The following LDLRAD4 variants were observed in gnomAD, a reference collection of about 807,000 sequenced individuals.
LDLRAD4 encodes the protein low density lipoprotein receptor class A domain containing 4, also known as low-density lipoprotein receptor class A domain-containing protein 4.
A neutral mutation model predicts 17.0 loss-of-function variants in LDLRAD4; 5 were observed. The observed-to-expected ratio is 0.29, with a 90% CI of 0.15 to 0.62. LDLRAD4 has a LOEUF of 0.62. LDLRAD4 is among the 20% of genes least tolerant of loss of function. The pLI is 0.84. For missense variants in LDLRAD4, 340 were observed against 424.7 expected (o/e 0.80, Z 1.75); for synonymous variants, 168 against 171.8 (o/e 0.98, Z 0.17).
intron 3 of LDLRAD4, among the ~76,000 whole-genome samples, chr18:13,527,005 T>A (rs1275952687): frequency 6.6e-6 from 1 of 152,240 alleles, no homozygotes; most frequent in Non-Finnish European, 1.5e-5. Context: ...TGCATGGGAC[T>A]GTTATGTTTG....
intron 1 of LDLRAD4, among the ~76,000 whole-genome samples, chr18:13,326,812 A>C (rs1170842448): frequency 6.6e-6 from 1 of 151,570 alleles, no homozygotes; most frequent in African/African-American, 2.4e-5. Context: ...TCTGTCACCC[A>C]GGCTGGAGTG....
In LDLRAD4 at chr18:13,444,135, G is replaced by T. The variant is rs143056136; in HGVS notation, c.181+5751G>T. ...AGGATTTATTAACTTAAGGATGGGG[G>T]TTCCCTGTCACTCTGCACAGGTGAC... On this transcript the variant is annotated intron_variant, in intron 3 of 5. Transcript: ENST00000359446. 4.0e-3 allele frequency among the ~76,000 whole-genome samples: 610 copies of T among 152,284 alleles called. 7 individuals carry two copies. Among genetic ancestry groups the T allele is most frequent in the African/African-American group, 0.014 (589 of 41,552 alleles).
At chr18:13,412,983 A>G (rs922292634) in intron 2 of LDLRAD4, among the ~76,000 whole-genome samples, 19 of 152,212 alleles carry the variant, frequency 1.2e-4, no homozygotes, top group African/African-American at 4.3e-4. Flanking sequence ...TAGTAAGGGC[A>G]GCGTGTGTGA....
chr18:13,554,906 G>A (rs2094469175), intron 3 of LDLRAD4, among the ~76,000 whole-genome samples: 1 of 152,126 alleles, frequency 6.6e-6, no homozygotes, highest in Non-Finnish European at 1.5e-5. Flanking sequence ...AGAGAAACCT[G>A]ACAAACACTC....
chr18:13,642,658 C>T (rs1423972476), intron 4 of LDLRAD4: 27 of 1,231,196 alleles, frequency 2.2e-5, no homozygotes, highest in Admixed American at 4.2e-5. Context: ...GGGCGGGCCC[C>T]GGGCCACCTC....
At chr18:13,391,184 CA>C (rs2086249263) in intron 2 of LDLRAD4, among the ~76,000 whole-genome samples, 1 of 152,208 alleles carries the variant, frequency 6.6e-6, no homozygotes, top group South Asian at 2.1e-4. Flanking sequence ...TAGGGCCAGG[CA>C]AACATCACTG....
chr18:13,379,966 G>GCCCGCCAGC (rs2085215512), intron 1 of LDLRAD4, among the ~76,000 whole-genome samples: 2 of 145,496 alleles, frequency 1.4e-5, no homozygotes, highest in African/African-American at 2.5e-5. Context: ...GCAGAGGCCT[G>GCCCGCCAGC]CCCCTGCCCG....
chr18:13,379,861 G>C (rs1015233189), intron 1 of LDLRAD4, among the ~76,000 whole-genome samples: 1 of 152,172 alleles, frequency 6.6e-6, no homozygotes, highest in African/African-American at 2.4e-5. Context: ...TTAGCCTATG[G>C]TCTGACCCCC....
intron 4 of LDLRAD4, 24 bp from the exon 6 acceptor site, chr18:13,643,335 T>C: frequency 6.9e-7 from 1 of 1,459,752 alleles, no homozygotes; most frequent in South Asian, 1.3e-5. Context: ...TTCCCCCCAC[T>C]CTCCTCCCCT....
chr18:13,413,929 C>T (rs1379518810), intron 2 of LDLRAD4, among the ~76,000 whole-genome samples: 1 of 151,964 alleles, frequency 6.6e-6, no homozygotes, highest in Non-Finnish European at 1.5e-5. Flanking sequence ...TTTTAAATCA[C>T]TGGGAAAAGA....
At chr18:13,583,204 C>A (rs2094887695) in intron 3 of LDLRAD4, among the ~76,000 whole-genome samples, 1 of 152,084 alleles carries the variant, frequency 6.6e-6, no homozygotes, top group African/African-American at 2.4e-5. Context: ...AATATTAGTA[C>A]AAAATTATAT....
chr18:13,512,045 C>T (rs2093789447), intron 3 of LDLRAD4, among the ~76,000 whole-genome samples: 1 of 152,224 alleles, frequency 6.6e-6, no homozygotes, highest in Admixed American at 6.5e-5. Context: ...ACAAGGAGCG[C>T]TTGCGTTGCT....
At chr18:13,235,265 A>C (rs2042280138) in intron 1 of LDLRAD4, 2 of 148,936 alleles carry the variant, frequency 1.3e-5, no homozygotes, top group South Asian at 4.3e-4. Flanking sequence ...AAAAAAAAAA[A>C]TCATCAGATT....
intron 1 of LDLRAD4, among the ~76,000 whole-genome samples, chr18:13,384,764 A>G (rs1191036961): frequency 6.6e-6 from 1 of 152,164 alleles, no homozygotes; most frequent in African/African-American, 2.4e-5. Context: ...GGCTTATTTC[A>G]TTTGGCATAA....
chr18:13,287,186 G>A (rs2045675192), intron 1 of LDLRAD4, among the ~76,000 whole-genome samples: 1 of 152,172 alleles, frequency 6.6e-6, no homozygotes, highest in Non-Finnish European at 1.5e-5. Context: ...GCCCTCTGGA[G>A]AGCAGGAGAA....
At chr18:13,618,804 T>C (rs1297223242) in intron 3 of LDLRAD4, among the ~76,000 whole-genome samples, 2 of 152,232 alleles carry the variant, frequency 1.3e-5, no homozygotes, top group Non-Finnish European at 2.9e-5. Context: ...TCACAGGCCA[T>C]GGGAAGTATG....
At chr18:13,575,047 C>T (rs934894582) in intron 3 of LDLRAD4, among the ~76,000 whole-genome samples, 17 of 152,130 alleles carry the variant, frequency 1.1e-4, no homozygotes, top group Non-Finnish European at 1.5e-5. Context: ...TCCAGAAATA[C>T]AAAGGAAAAG....
chr18:13,564,880 G>T (rs72882492), intron 3 of LDLRAD4: 29,332 of 152,198 alleles, frequency 0.19, 3,129 homozygotes, highest in East Asian at 0.4. Flanking sequence ...TGAAGAACGA[G>T]TGCTTTCTGT....
At chr18:13,340,631 AC>A (rs2144039714) in intron 1 of LDLRAD4, among the ~76,000 whole-genome samples, 1 of 152,202 alleles carries the variant, frequency 6.6e-6, no homozygotes, top group African/African-American at 2.4e-5. Flanking sequence ...TGAATATTAA[AC>A]CATAATCAGA....
Sources: allele counts gnomAD v4.1 joint callset (sites outside exome capture counted in the v4.1 genomes callset), GRCh38; gene constraint gnomAD v4.1.1; transcripts MANE v1.5; gene names NCBI Gene and HGNC (gene_info 2026-07-23, HGNC 2026-07-21).